Variants in GLCCI1 observed in about 807,000 individuals in gnomAD.
GLCCI1 encodes the protein glucocorticoid-induced transcript 1 protein.
In GLCCI1, 24 loss-of-function variants were observed where a neutral mutation model predicts 52.2. The ratio of observed to expected loss-of-function variants is 0.46; its 90% CI spans 0.33 to 0.65. The LOEUF (loss-of-function observed/expected upper bound fraction) is 0.65, where lower values mean the gene tolerates loss of function less well. Ranked by LOEUF, GLCCI1 falls within the 30% of genes least tolerant of loss-of-function variation. The pLI is 0.02. For synonymous variants in GLCCI1, 310 were observed against 276.5 expected (o/e 1.12, Z -1.20); for missense variants, 704 against 701.5 (o/e 1.00, Z -0.04).
At chr7:8,049,955 A>G (rs2127957349) in intron 3 of GLCCI1, among the ~76,000 whole-genome samples, 1 of 152,342 alleles carries the variant, frequency 6.6e-6, no homozygotes, top group East Asian at 1.9e-4. Context: ...TTAGTCTGGT[A>G]TTAAAATGTC....
At chr7:8,015,572 T>A (rs1781361299) in intron 2 of GLCCI1, among the ~76,000 whole-genome samples, 1 of 152,244 alleles carries the variant, frequency 6.6e-6, no homozygotes, top group South Asian at 2.1e-4. Flanking sequence ...TCAGCCATCA[T>A]CTAATTATGA....
rs1783072789 is a variant in GLCCI1 at position 8,085,017 on chromosome 7, C to T, written c.1298C>T (p.Ala433Val). 3 of 1,613,588 alleles carry T rather than the reference C, an allele frequency of 1.9e-6. No homozygotes were observed. Among genetic ancestry groups the T allele is most frequent in the Middle Eastern group, 1.7e-4 (1 of 6,054 alleles). Residue 433 changes from alanine (A) to valine (V), a missense_variant and splice_region_variant, in exon 7 of 8, where the codon GCG becomes GTG. Around this residue, in one of 3 missense-constraint regions of GLCCI1, gnomAD observed 149 missense variants for 152.9 expected, o/e 0.97. Coordinates refer to ENST00000223145, the MANE Select transcript of GLCCI1 (RefSeq NM_138426.4). ...CGAGTGAAGGTCTTTGAGGAAATGG[C>T]GTAAGTAATGTCTTTTTTGTCAGCT... ...CERVKVFEEM[A>V]SRQPISAPLF...
intron 3 of GLCCI1, among the ~76,000 whole-genome samples, chr7:8,027,719 A>G (rs1249287505): frequency 1.3e-5 from 2 of 152,132 alleles, no homozygotes; most frequent in Non-Finnish European, 2.9e-5. Flanking sequence ...TCTATTGCCT[A>G]CAAGAAACAC....
intron 1 of GLCCI1, among the ~76,000 whole-genome samples, chr7:7,980,118 C>T (rs1466247467): frequency 2.0e-5 from 3 of 152,100 alleles, no homozygotes; most frequent in African/African-American, 7.2e-5. Context: ...GGGTTTCGAA[C>T]TCCTGGCCTC....
intron 1 of GLCCI1, among the ~76,000 whole-genome samples, chr7:7,985,530 G>C: frequency 9.3e-6 from 1 of 107,076 alleles, no homozygotes; most frequent in East Asian, 2.7e-4. Context: ...ATCTATCCTG[G>C]AACTTTAAGT....
chr7:7,970,180 C>T (rs1376034772), intron 1 of GLCCI1, among the ~76,000 whole-genome samples: 3 of 152,232 alleles, frequency 2.0e-5, no homozygotes, highest in African/African-American at 7.2e-5. Context: ...GTTGTAATCT[C>T]TACCGTCTCT....
chr7:8,087,576 C>CCCTGATGGCTAACA lies in GLCCI1; in HGVS notation c.*1038_*1039insCCTGATGGCTAACA. On this transcript the variant is annotated 3_prime_UTR_variant, in exon 8 of 8. Coordinates refer to ENST00000223145, the MANE Select transcript of GLCCI1 (RefSeq NM_138426.4). The stretch of plus-strand genomic sequence containing the variant: ...AGGGTCATAACTGTTACCATTTTAT[C>CCCTGATGGCTAACA]TAAAGACATATTTATATTTAGTTTC... The CCCTGATGGCTAACA allele has an allele frequency of 6.6e-6, 1 of 152,428 alleles. No homozygotes were observed. Among genetic ancestry groups the CCCTGATGGCTAACA allele is most frequent in the Non-Finnish European group, 1.5e-5 (1 of 68,008 alleles). 9.4% of individuals were successfully genotyped at this position (152,428 alleles called of 1,614,324 possible). A position where few individuals can be genotyped will look rare whatever the true frequency, so the allele number is the denominator to read the frequency against.
At chr7:8,066,639 C>T (rs1395911132) in intron 5 of GLCCI1, among the ~76,000 whole-genome samples, 1 of 151,300 alleles carries the variant, frequency 6.6e-6, no homozygotes, top group Non-Finnish European at 1.5e-5. Context: ...TCATGGTTTA[C>T]GCAAATGCCA....
At chr7:7,973,982 T>C (rs1200342256) in intron 1 of GLCCI1, among the ~76,000 whole-genome samples, 2 of 152,102 alleles carry the variant, frequency 1.3e-5, no homozygotes, top group Non-Finnish European at 2.9e-5. Context: ...TTCTTGAAAA[T>C]TAAGATCCTC....
chr7:8,084,036 A>G (rs1331840118), intron 6 of GLCCI1, among the ~76,000 whole-genome samples: 1 of 152,232 alleles, frequency 6.6e-6, no homozygotes, highest in East Asian at 1.9e-4. Context: ...ATAGGTTTGC[A>G]TTAAGTCAGA....
At chr7:8,032,201 T>A (rs1037674159) in intron 3 of GLCCI1, among the ~76,000 whole-genome samples, 1 of 152,056 alleles carries the variant, frequency 6.6e-6, no homozygotes, top group East Asian at 1.9e-4. Context: ...GGATATTTTT[T>A]AATATTTTCA....
chr7:8,055,583 A>G (rs1782369279), intron 4 of GLCCI1, 34 bp downstream of exon 4: 1 of 1,235,102 alleles, frequency 8.1e-7, no homozygotes, highest in Admixed American at 1.7e-5. Flanking sequence ...TTGAATAATT[A>G]CTTTTAGTTC....
At chr7:8,002,306 C>CAAAA (rs1781065464) in intron 1 of GLCCI1, among the ~76,000 whole-genome samples, 1 of 152,022 alleles carries the variant, frequency 6.6e-6, no homozygotes, top group Non-Finnish European at 1.5e-5. Flanking sequence ...AGACAAGGAA[C>CAAAA]TATATATTCT....
At chr7:7,978,614 A>T (rs1780546542) in intron 1 of GLCCI1, among the ~76,000 whole-genome samples, 1 of 152,138 alleles carries the variant, frequency 6.6e-6, no homozygotes, top group Non-Finnish European at 1.5e-5. Flanking sequence ...GTAACATTAG[A>T]AATTGTGTTT....
At position 8,060,701 on chromosome 7, in the gene GLCCI1, A is replaced by G. The variant is rs576511083; in HGVS notation, c.966+453A>G. The stretch of plus-strand genomic sequence containing the variant: ...GGCCAAATATTAATCAGTTATATGG[A>G]TTTTATTTATTCAGTCATCAATTAA... On this transcript the variant is annotated intron_variant, in intron 5 of 7. Coordinates refer to ENST00000223145, the MANE Select transcript of GLCCI1 (RefSeq NM_138426.4). 2.3e-3 allele frequency among the ~76,000 whole-genome samples: 351 copies of G among 152,202 alleles called. 3 individuals are homozygous for G. The highest frequency in any genetic ancestry group is 3.9e-3 in the Non-Finnish European group (263 of 68,004).
intron 3 of GLCCI1, among the ~76,000 whole-genome samples, chr7:8,026,432 C>T (rs966590248): frequency 6.6e-6 from 1 of 152,226 alleles, no homozygotes; most frequent in Admixed American, 6.5e-5. Context: ...TAACAACTAT[C>T]TGCACAGGGA....
At chr7:8,030,972 G>A (rs1781735363) in intron 3 of GLCCI1, among the ~76,000 whole-genome samples, 1 of 152,104 alleles carries the variant, frequency 6.6e-6, no homozygotes, top group African/African-American at 2.4e-5. Context: ...ATGGAGAACA[G>A]TTTGGAGGTT....
chr7:8,060,787 A>G (rs555584043), intron 5 of GLCCI1, among the ~76,000 whole-genome samples: 2 of 152,204 alleles, frequency 1.3e-5, no homozygotes, highest in African/African-American at 2.4e-5. Flanking sequence ...AAACATTTGT[A>G]TACAAGGTTT....
chr7:8,008,181 T>G (rs1356882696), intron 2 of GLCCI1, among the ~76,000 whole-genome samples: 2 of 152,184 alleles, frequency 1.3e-5, no homozygotes, highest in African/African-American at 4.8e-5. Flanking sequence ...TGAAGTTGTT[T>G]CTTGTAACTG....
Sources: gnomAD v4.1 joint callset for allele counts (sites outside exome capture counted in the v4.1 genomes callset) on GRCh38, gnomAD v4.1.1 for gene constraint, gnomAD v4.1.1 regional missense constraint, MANE v1.5 for transcripts, NCBI Gene and HGNC (gene_info 2026-07-23, HGNC 2026-07-21) for gene names.